LRRC4C: variants seen among roughly 807,000 people sequenced by gnomAD.
LRRC4C encodes leucine rich repeat containing 4C.
A neutral mutation model predicts 33.6 loss-of-function variants in LRRC4C; 5 were observed. That is an observed-to-expected ratio of 0.15 (90% CI 0.08 to 0.31). The LOEUF is 0.31. LRRC4C is among the 10% of genes least tolerant of loss of function. LRRC4C has a pLI of 1.00. For missense variants in LRRC4C, 560 were observed against 796.7 expected (o/e 0.70, Z 3.58); for synonymous variants, 329 against 302.0 (o/e 1.09, Z -0.93).
intron 2 of LRRC4C, among the ~76,000 whole-genome samples, chr11:40,648,975 G>A (rs968870243): frequency 3.0e-4 from 46 of 152,092 alleles, no homozygotes; most frequent in Middle Eastern, 3.4e-3. Context: ...AAAGGGGAGG[G>A]GTGTACAAAA....
chr11:40,956,877 C>CA (rs75807256), intron 1 of LRRC4C, among the ~76,000 whole-genome samples: 74 of 150,926 alleles, frequency 4.9e-4, no homozygotes, highest in Middle Eastern at 3.4e-3. Flanking sequence ...TAAAGTAAAA[C>CA]AAAAAAAAGA....
intron 2 of LRRC4C, among the ~76,000 whole-genome samples, chr11:40,759,519 G>A (rs1412286408): frequency 6.6e-6 from 1 of 151,854 alleles, no homozygotes. Context: ...GAGTGAATAA[G>A]CTTTAGGTTG....
chr11:40,911,330 T>A (rs1956674041), intron 2 of LRRC4C, among the ~76,000 whole-genome samples: 1 of 151,994 alleles, frequency 6.6e-6, no homozygotes, highest in South Asian at 2.1e-4. Context: ...CACAGCCGAG[T>A]ACTCCTCTGA....
At position 40,542,265 on chromosome 11, in the gene LRRC4C, G is replaced by A. The variant is rs887790996; in HGVS notation, c.-270+105877C>T. Among the ~76,000 whole-genome samples the A allele has an allele frequency of 1.1e-4, 17 of 151,990 alleles. No homozygotes were observed. In the East Asian group the frequency reaches 2.5e-3, roughly 22 times the overall value. On this transcript the variant is annotated intron_variant, in intron 3 of 6. Coordinates refer to ENST00000528697, the MANE Select transcript of LRRC4C (RefSeq NM_001258419.2). The stretch of plus-strand genomic sequence containing the variant: ...ACCCCACCCCAACTACAAAAATAAA[G>A]GGGTGTGATCATTAAAACAAGGGAT...
chr11:41,251,700 T>C (rs1017003634), intron 1 of LRRC4C, among the ~76,000 whole-genome samples: 2 of 152,206 alleles, frequency 1.3e-5, no homozygotes, highest in Non-Finnish European at 2.9e-5. Context: ...TTAATTATCG[T>C]GCCTTGCCTC....
chr11:40,297,511 T>C (rs537375825), intron 4 of LRRC4C, among the ~76,000 whole-genome samples: 1 of 152,290 alleles, frequency 6.6e-6, no homozygotes, highest in Non-Finnish European at 1.5e-5. Flanking sequence ...CTAGATGATA[T>C]CCTAATAATC....
At chr11:41,142,487 G>A (rs1162950852) in intron 1 of LRRC4C, among the ~76,000 whole-genome samples, 1 of 152,128 alleles carries the variant, frequency 6.6e-6, no homozygotes, top group Non-Finnish European at 1.5e-5. Flanking sequence ...TGCACTTTAG[G>A]AACTACTGAT....
intron 4 of LRRC4C, among the ~76,000 whole-genome samples, chr11:40,315,079 A>G (rs1479992225): frequency 6.6e-6 from 1 of 152,072 alleles, no homozygotes; most frequent in Non-Finnish European, 1.5e-5. Context: ...AAGAAATAAT[A>G]AAGGTTTGAG....
At chr11:40,517,395 T>C (rs1187681543) in intron 3 of LRRC4C, among the ~76,000 whole-genome samples, 1 of 152,098 alleles carries the variant, frequency 6.6e-6, no homozygotes, top group Non-Finnish European at 1.5e-5. Flanking sequence ...AAAATGATGG[T>C]AATTTGGAAT....
chr11:40,677,924 T>C (rs1038265882), intron 2 of LRRC4C, among the ~76,000 whole-genome samples: 2 of 152,174 alleles, frequency 1.3e-5, no homozygotes, highest in African/African-American at 4.8e-5. Context: ...GTGGTAAAGA[T>C]AAGGCACATA....
chr11:40,177,990 ATGGCTTG>A (rs1298227041), intron 5 of LRRC4C, among the ~76,000 whole-genome samples: 1 of 152,204 alleles, frequency 6.6e-6, no homozygotes, highest in Non-Finnish European at 1.5e-5. Context: ...GGAGGTGCAT[ATGGCTTG>A]CTTAGCATGC....
intron 3 of LRRC4C, among the ~76,000 whole-genome samples, chr11:40,433,536 A>C (rs1313685184): frequency 6.6e-6 from 1 of 152,152 alleles, no homozygotes; most frequent in Non-Finnish European, 1.5e-5. Flanking sequence ...AGAGAGATAG[A>C]GGAAACTGAA....
At chr11:40,371,098 T>TA (rs1312484448) in intron 3 of LRRC4C, among the ~76,000 whole-genome samples, 2 of 152,126 alleles carry the variant, frequency 1.3e-5, no homozygotes, top group Non-Finnish European at 2.9e-5. Context: ...AGACATTAAT[T>TA]AAAAAATTAA....
intron 1 of LRRC4C, among the ~76,000 whole-genome samples, chr11:41,439,886 T>C (rs910243064): frequency 6.6e-6 from 1 of 152,184 alleles, no homozygotes; most frequent in African/African-American, 2.4e-5. Context: ...TCCTTGTAGA[T>C]TCTAGATATT....
chr11:40,426,609 T>C (rs1950725637), intron 3 of LRRC4C, among the ~76,000 whole-genome samples: 1 of 152,204 alleles, frequency 6.6e-6, no homozygotes, highest in African/African-American at 2.4e-5. Context: ...TGAGATACTA[T>C]ATACTTTATT....
chr11:40,760,922 G>T (rs1308590609), intron 2 of LRRC4C, among the ~76,000 whole-genome samples: 2 of 146,422 alleles, frequency 1.4e-5, no homozygotes, highest in Non-Finnish European at 3.0e-5. Flanking sequence ...TTTTTGTAAA[G>T]ACAGAGTTTC....
intron 1 of LRRC4C, among the ~76,000 whole-genome samples, chr11:40,973,880 C>T (rs1162064816): frequency 6.6e-6 from 1 of 151,944 alleles, no homozygotes; most frequent in Non-Finnish European, 1.5e-5. Flanking sequence ...ATAGATAAAA[C>T]AGCCCCGAGC....
At chr11:40,763,157 T>C (rs1263732881) in intron 2 of LRRC4C, among the ~76,000 whole-genome samples, 1 of 129,710 alleles carries the variant, frequency 7.7e-6, no homozygotes, top group African/African-American at 2.8e-5. Flanking sequence ...TTTAAAGTTG[T>C]GTGTATGCAT....
intron 4 of LRRC4C, among the ~76,000 whole-genome samples, chr11:40,265,412 T>C (rs1047849069): frequency 2.0e-5 from 3 of 152,242 alleles, no homozygotes; most frequent in African/African-American, 7.2e-5. Context: ...CATCACAGTT[T>C]CAGACATTTT....
Sources: gnomAD v4.1 joint callset for allele counts (sites outside exome capture counted in the v4.1 genomes callset) on GRCh38, gnomAD v4.1.1 for gene constraint, MANE v1.5 for transcripts, NCBI Gene and HGNC (gene_info 2026-07-23, HGNC 2026-07-21) for gene names.